EMCN: variants seen among roughly 807,000 people sequenced by gnomAD.
EMCN encodes the protein endomucin.
In EMCN, 37 loss-of-function variants were observed where a neutral mutation model predicts 38.4. The ratio of observed to expected loss-of-function variants is 0.96; its 90% CI spans 0.74 to 1.27. EMCN has a LOEUF of 1.27. Among genes scored for constraint, EMCN ranks in the 50% most tolerant of loss-of-function variants. EMCN has a pLI of 0.00. For synonymous variants in EMCN, 95 were observed against 100.8 expected (o/e 0.94, Z 0.35); for missense variants, 318 against 302.8 (o/e 1.05, Z -0.37).
intron 11 of EMCN, among the ~76,000 whole-genome samples, chr4:100,408,615 CT>C (rs1416883057): frequency 6.6e-6 from 1 of 152,160 alleles, no homozygotes; most frequent in Non-Finnish European, 1.5e-5. Context: ...TGTAGCCATG[CT>C]TCCCCTCAGT....
chr4:100,417,037 A>G, intron 9 of EMCN, 80 bp downstream of exon 9: 1 of 1,388,518 alleles, frequency 7.2e-7, no homozygotes. Context: ...AAATAATCCA[A>G]AAAAGTATAA....
In EMCN at chr4:100,421,204, C is replaced by A. The variant is rs995201437; in HGVS notation, c.664+78G>T. 10 of 1,262,246 alleles carry A rather than the reference C, an allele frequency of 7.9e-6. No individual in the cohort carries two copies. In the African/African-American group the frequency reaches 1.0e-4, roughly 13 times the overall value. The allele number at this position is 1,262,246 out of a possible 1,614,324, so 78.2% of individuals were successfully genotyped here. On this transcript the variant is annotated intron_variant, in intron 8 of 11. Transcript: ENST00000296420. ...ATTTCTTTCTATAACTTTTCTCTCC[C>A]TTTAAGAATTTAAAATCAAGTTTAA... is the stretch of plus-strand genomic sequence containing the variant.
At chr4:100,423,167 CATGATTTGTAGGTATG>C in intron 6 of EMCN, 87 bp from the exon 7 acceptor site, 1 of 1,425,848 alleles carries the variant, frequency 7.0e-7, no homozygotes, top group South Asian at 1.1e-5. Context: ...AGGAAACAGC[CATGATTTGTAGGTATG>C]ATGCTGCAAG....
At chr4:100,465,354 G>T in intron 4 of EMCN, 69 bp downstream of exon 4, 1 of 860,544 alleles carries the variant, frequency 1.2e-6, no homozygotes. Flanking sequence ...TTGTATGCTG[G>T]AAAACATTCT....
chr4:100,447,605 A>G (rs774978789), intron 4 of EMCN, 34 bp from the exon 5 acceptor site: 3 of 1,406,110 alleles, frequency 2.1e-6, no homozygotes, highest in Admixed American at 1.7e-5. Flanking sequence ...AAATCAGTAC[A>G]ATTAAATGTT....
intron 1 of EMCN, among the ~76,000 whole-genome samples, chr4:100,517,354 A>C (rs1022606288): frequency 6.6e-6 from 1 of 152,052 alleles, no homozygotes; most frequent in African/African-American, 2.4e-5. Context: ...CTACCTCAAA[A>C]TATTAGGACT....
chr4:100,427,029 AG>A (rs1358510866), intron 5 of EMCN, among the ~76,000 whole-genome samples: 1 of 152,004 alleles, frequency 6.6e-6, no homozygotes, highest in Non-Finnish European at 1.5e-5. Flanking sequence ...AATCTTGGGC[AG>A]GGCATGGTGG....
intron 2 of EMCN, among the ~76,000 whole-genome samples, chr4:100,479,185 T>A (rs1403587560): frequency 6.6e-6 from 1 of 152,144 alleles, no homozygotes; most frequent in Non-Finnish European, 1.5e-5. Context: ...CAGTTATCCA[T>A]TCATCAAGAT....
At chr4:100,473,009 T>TTATA (rs202076034) in intron 3 of EMCN, among the ~76,000 whole-genome samples, 4 of 99,352 alleles carry the variant, frequency 4.0e-5, no homozygotes, top group African/African-American at 1.2e-4. Flanking sequence ...TATATATATA[T>TTATA]TATATATATA....
intron 5 of EMCN, among the ~76,000 whole-genome samples, chr4:100,443,595 T>C (rs1446607128): frequency 3.3e-5 from 5 of 152,208 alleles, no homozygotes; most frequent in African/African-American, 1.2e-4. Context: ...CAGGCAACCA[T>C]AGCAGCACTG....
intron 4 of EMCN, among the ~76,000 whole-genome samples, chr4:100,458,643 G>C (rs1728083391): frequency 6.6e-6 from 1 of 151,872 alleles, no homozygotes; most frequent in Admixed American, 6.6e-5. Context: ...TTTGAGAAGG[G>C]GGACCTAAAG....
rs1487091183 is a variant in EMCN, at chr4:100,473,730, T to C, written c.259+1308A>G. ...AGAAGTTGCCAAAGAACTCAAACCTTGACGATTCTACAGCCCTTTAGCATT... is the reference window on the plus strand; with the variant it reads ...AGAAGTTGCCAAAGAACTCAAACCTCGACGATTCTACAGCCCTTTAGCATT... On this transcript the variant is annotated intron_variant, in intron 3 of 11. Transcript: ENST00000296420. 2.0e-5 allele frequency: 3 copies of C among 152,160 alleles called. No homozygotes were observed. In the East Asian group the frequency reaches 5.8e-4, roughly 29 times the overall value. 9.4% of individuals were successfully genotyped at this position (152,160 alleles called of 1,614,324 possible).
intron 5 of EMCN, among the ~76,000 whole-genome samples, chr4:100,443,115 G>T (rs891946308): frequency 6.6e-6 from 1 of 152,212 alleles, no homozygotes; most frequent in Non-Finnish European, 1.5e-5. Flanking sequence ...TTCCCAAAGT[G>T]TTGGGATCAC....
intron 8 of EMCN, among the ~76,000 whole-genome samples, chr4:100,418,599 A>G (rs1199915172): frequency 2.0e-5 from 3 of 151,878 alleles, no homozygotes; most frequent in Non-Finnish European, 2.9e-5. Flanking sequence ...CATGAGTTCA[A>G]TTGTTTTGAT....
chr4:100,481,994 C>G (rs890718126), intron 1 of EMCN, among the ~76,000 whole-genome samples: 9 of 151,448 alleles, frequency 5.9e-5, no homozygotes, highest in African/African-American at 2.2e-4. Flanking sequence ...TGAGCAACTA[C>G]TTATGTAAAA....
Position 100,423,302 on chromosome 4 carries a change from G to A in EMCN, c.508+10C>T, listed in dbSNP as rs771943191. On this transcript the variant is annotated intron_variant, in intron 6 of 11. Transcript: ENST00000296420. ...GAGCAGATTTCCACTCAGGCACACAGATATCATACCTTGAGACTGTGAGGT... is the reference window on the plus strand; with the variant it reads ...GAGCAGATTTCCACTCAGGCACACAAATATCATACCTTGAGACTGTGAGGT... 2 of 1,599,208 alleles carry A rather than the reference G, an allele frequency of 1.3e-6. No homozygotes were observed. Among genetic ancestry groups the A allele is most frequent in the South Asian group, 1.1e-5 (1 of 90,798 alleles).
chr4:100,467,681 CAAAA>C (rs3974786), intron 3 of EMCN, among the ~76,000 whole-genome samples: 1 of 83,620 alleles, frequency 1.2e-5, no homozygotes, highest in Non-Finnish European at 2.2e-5. Flanking sequence ...GACTCCGTCT[CAAAA>C]AAAAAAAAAA....
intron 8 of EMCN, among the ~76,000 whole-genome samples, chr4:100,418,825 A>G (rs189647439): frequency 1.3e-3 from 198 of 152,212 alleles, no homozygotes; most frequent in African/African-American, 4.5e-3. Flanking sequence ...AATCTTGGCT[A>G]TTGTGAACAG....
chr4:100,441,440 T>C (rs1727514599), intron 5 of EMCN, among the ~76,000 whole-genome samples: 2 of 152,240 alleles, frequency 1.3e-5, no homozygotes, highest in South Asian at 4.1e-4. Flanking sequence ...TAGTTGGATC[T>C]TGTTTTTATT....
Sources: gnomAD v4.1 joint callset for allele counts (sites outside exome capture counted in the v4.1 genomes callset) on GRCh38, gnomAD v4.1.1 for gene constraint, MANE v1.5 for transcripts, NCBI Gene and HGNC (gene_info 2026-07-23, HGNC 2026-07-21) for gene names.